The following SHOX variants were observed in gnomAD, a reference collection of about 807,000 sequenced individuals.
The protein encoded by SHOX is SHOX homeobox.
SHOX carries 12 observed loss-of-function variants against 29.6 expected under a neutral mutation model. The ratio of observed to expected loss-of-function variants is 0.41; its 90% CI spans 0.26 to 0.66. The LOEUF (loss-of-function observed/expected upper bound fraction) is 0.66, where lower values mean the gene tolerates loss of function less well. Ranked by LOEUF, SHOX falls within the 30% of genes least tolerant of loss-of-function variation. The pLI, the probability that SHOX is intolerant of heterozygous loss-of-function variation, is 0.35. For synonymous variants in SHOX, 214 were observed against 200.6 expected (o/e 1.07, Z -0.57); for missense variants, 499 against 437.7 (o/e 1.14, Z -1.25).
At chrX:656,553 A>C (rs1442297188), downstream of SHOX, among the ~76,000 whole-genome samples, 4 of 152,154 alleles carry the variant, frequency 2.6e-5, no homozygotes, top group African/African-American at 9.6e-5. Flanking sequence ...CAAAAAATAA[A>C]ACATTTAGTC....
intron 4 of SHOX, among the ~76,000 whole-genome samples, chrX:642,329 G>A (rs1204543812): frequency 6.6e-6 from 1 of 151,998 alleles, no homozygotes; most frequent in African/African-American, 2.4e-5. Context: ...GGGCGGACGC[G>A]TGGCCTCCCT....
At chrX:631,268 C>A (rs1432887317) in intron 1 of SHOX, 94 bp downstream of exon 1, 8 of 1,459,240 alleles carry the variant, frequency 5.5e-6, no homozygotes, top group Non-Finnish European at 6.7e-6. Context: ...TCGCTGTGCA[C>A]ATTTGCAGCT....
Position 640,910 on chromosome X carries a change from G to C in SHOX, c.544+32G>C, listed in dbSNP as rs181888436. 6.4e-4 allele frequency: 1,037 copies of C among 1,613,756 alleles called. 7 individuals carry two copies. Among genetic ancestry groups the C allele is most frequent in the Middle Eastern group, 3.3e-4 (2 of 6,040 alleles). On this transcript the variant is annotated intron_variant, in intron 3 of 4. Transcript: ENST00000686671. ...GTCGGGACTGGGGGGACCTGAAGCT[G>C]GGGGATCCTGCTCCAGGAGGGATGG...
intron 1 of SHOX, among the ~76,000 whole-genome samples, chrX:624,885 T>TCTTTCTTTCTTTCTTC (rs1569491669): frequency 4.5e-5 from 3 of 66,884 alleles, no homozygotes; most frequent in Non-Finnish European, 8.6e-5. Flanking sequence ...TTTCTTTCTT[T>TCTTTCTTTCTTTCTTC]CTTTCTTTCT....
chrX:641,921 G>A (rs1422051919), intron 4 of SHOX, among the ~76,000 whole-genome samples: 5 of 152,264 alleles, frequency 3.3e-5, no homozygotes, highest in East Asian at 1.9e-4. Flanking sequence ...CCGAGGGCCT[G>A]GGGCGTCTGC....
chrX:629,553 G>T (rs887365040), upstream of SHOX, among the ~76,000 whole-genome samples: 3 of 143,466 alleles, frequency 2.1e-5, no homozygotes, highest in Non-Finnish European at 3.1e-5. Flanking sequence ...CCGTCTCTCC[G>T]TTTCTCTCTC....
intron 2 of SHOX, among the ~76,000 whole-genome samples, chrX:637,514 C>A (rs1426437238): frequency 6.6e-6 from 1 of 151,220 alleles, no homozygotes; most frequent in Non-Finnish European, 1.5e-5. Context: ...AAATCGGGGA[C>A]AAGCTGGGGG....
chrX:642,929 T>C (rs2052882848), intron 4 of SHOX, among the ~76,000 whole-genome samples: 1 of 148,430 alleles, frequency 6.7e-6, no homozygotes, highest in Non-Finnish European at 1.5e-5. Flanking sequence ...GGGGACCTGG[T>C]GACCTTGGAG....
upstream of SHOX, among the ~76,000 whole-genome samples, chrX:627,885 G>A (rs549171281): frequency 2.0e-5 from 3 of 152,234 alleles, no homozygotes; most frequent in African/African-American, 7.2e-5. Flanking sequence ...TTTTCGGTAG[G>A]GAGACAGTGA....
At chrX:625,474 CTCTG>C (rs1298995872) in intron 1 of SHOX, among the ~76,000 whole-genome samples, 6 of 151,960 alleles carry the variant, frequency 3.9e-5, no homozygotes, top group Admixed American at 6.6e-5. Flanking sequence ...CGCTGTCTCT[CTCTG>C]TCTGTCTCTC....
In SHOX at chrX:641,096, C is replaced by T. The variant is rs764008981; in HGVS notation, c.633+9C>T. On this transcript the variant is annotated intron_variant, in intron 4 of 4. Coordinates refer to ENST00000686671, the MANE Select transcript of SHOX (RefSeq NM_000451.4). ...GGATGCCTTTCCAACAGGTAGCTCA[C>T]TTTTTCTTCCTCTGAAGATCCCTAG... 1.2e-6 allele frequency: 2 copies of T among 1,613,388 alleles called. No homozygotes were observed. The highest frequency in any genetic ancestry group is 2.2e-5 in the East Asian group (1 of 44,860).
At chrX:658,499 C>G (rs1479725717) in intron 5 of SHOX, among the ~76,000 whole-genome samples, 2 of 141,890 alleles carry the variant, frequency 1.4e-5, no homozygotes, top group South Asian at 2.2e-4. Flanking sequence ...GAGACGGAGT[C>G]TCGCTCTGTC....
rs779647794 is a variant in SHOX, at chrX:631,028, C to A, written c.131C>A (p.Ala44Glu). The change falls in exon 1 of 5, where the codon GCG (alanine) becomes GAG (glutamate). Residue 44 changes from alanine (A) to glutamate (E), a missense_variant. Physicochemically the swap from Ala to Glu is moderately radical, Grantham distance 107. Transcript: ENST00000686671. ...TYREVLESGL[A>E]RSRELGTSDS... is the part of the protein sequence containing the mutation. ...CGGGAAGTTTTGGAGAGCGGACTGG[C>A]GCGCTCCCGGGAGCTGGGGACGTCG... 39 of 1,613,648 alleles carry A rather than the reference C, an allele frequency of 2.4e-5. No individual in the cohort carries two copies. The highest frequency in any genetic ancestry group is 2.3e-4 in the Admixed American group (14 of 59,998).
chrX:655,930 C>T (rs1444753749), downstream of SHOX, among the ~76,000 whole-genome samples: 8 of 151,886 alleles, frequency 5.3e-5, no homozygotes, highest in African/African-American at 1.9e-4. Context: ...GTAATCTCAG[C>T]ACTCTGGGAG....
downstream of SHOX, among the ~76,000 whole-genome samples, chrX:654,665 G>C (rs1450105532): frequency 6.6e-6 from 1 of 152,068 alleles, no homozygotes; most frequent in Non-Finnish European, 1.5e-5. Flanking sequence ...CTATTCAGCA[G>C]GCAAGAGGAT....
At chrX:625,861 T>G (rs1268361244), upstream of SHOX, among the ~76,000 whole-genome samples, 1 of 133,214 alleles carries the variant, frequency 7.5e-6, no homozygotes, top group Admixed American at 7.7e-5. Context: ...TGTATCTCTG[T>G]CTATCTCTGT....
At chrX:657,867 G>A (rs746699764) in intron 5 of SHOX, among the ~76,000 whole-genome samples, 4 of 152,170 alleles carry the variant, frequency 2.6e-5, no homozygotes, top group Non-Finnish European at 5.9e-5. Flanking sequence ...TTTATTTGAC[G>A]AGTGGAAGGG....
chrX:651,275 T>C lies in SHOX; in HGVS notation c.*6639T>C, dbSNP rs999990771. ...CCCCCGCGTCCGGGTTACAAATACATCTACAGATATTTTCAGGGATTGCTT... is the reference window on the plus strand; with the variant it reads ...CCCCCGCGTCCGGGTTACAAATACACCTACAGATATTTTCAGGGATTGCTT... On this transcript the variant is annotated 3_prime_UTR_variant, in exon 5 of 5. Coordinates refer to ENST00000686671, the MANE Select transcript of SHOX (RefSeq NM_000451.4). 1.3e-5 allele frequency: 6 copies of C among 455,682 alleles called. No individual in the cohort carries two copies. Among genetic ancestry groups the C allele is most frequent in the Non-Finnish European group, 2.6e-5 (6 of 226,762 alleles). 28.2% of individuals were successfully genotyped at this position (455,682 alleles called of 1,614,324 possible).
At chrX:652,445 T>C (rs1267225072), downstream of SHOX, among the ~76,000 whole-genome samples, 4 of 146,208 alleles carry the variant, frequency 2.7e-5, no homozygotes, top group African/African-American at 1.0e-4. Context: ...AAAAAACACA[T>C]GTGAGCTGGG....
Sources: gnomAD v4.1 joint callset for allele counts (sites outside exome capture counted in the v4.1 genomes callset) on GRCh38, gnomAD v4.1.1 for gene constraint, MANE v1.5 for transcripts, NCBI Gene and HGNC (gene_info 2026-07-23, HGNC 2026-07-21) for gene names.